Variants in ELP4 observed in about 807,000 individuals in gnomAD.
ELP4 encodes the protein elongator acetyltransferase complex subunit 4.
Under a neutral mutation model 48.9 loss-of-function variants are expected in ELP4, and 51 were observed. The observed-to-expected ratio is 1.04, with a 90% CI of 0.83 to 1.32. The LOEUF (loss-of-function observed/expected upper bound fraction) is 1.32, where lower values mean the gene tolerates loss of function less well. Ranked by LOEUF, ELP4 falls within the 40% of genes most tolerant of loss-of-function variation. The pLI, the probability that ELP4 is intolerant of heterozygous loss-of-function variation, is 0.00. For missense variants in ELP4, 519 were observed against 514.6 expected (o/e 1.01, Z -0.08); for synonymous variants, 210 against 189.2 (o/e 1.11, Z -0.90).
intron 3 of ELP4, among the ~76,000 whole-genome samples, chr11:31,563,198 A>G (rs1957049685): frequency 6.6e-6 from 1 of 152,204 alleles, no homozygotes; most frequent in Non-Finnish European, 1.5e-5. Context: ...ATGTTGGTAC[A>G]TAATAGCTCA....
intron 9 of ELP4, among the ~76,000 whole-genome samples, chr11:31,690,968 A>C (rs1023887989): frequency 1.3e-5 from 2 of 152,064 alleles, no homozygotes; most frequent in Admixed American, 1.3e-4. Flanking sequence ...CAAAAGCCTT[A>C]ACATTAAAGA....
chr11:31,716,281 G>A (rs143742553), intron 9 of ELP4, among the ~76,000 whole-genome samples: 92 of 152,238 alleles, frequency 6.0e-4, no homozygotes, highest in Middle Eastern at 3.4e-3. Flanking sequence ...CCAAAGTGCC[G>A]GGATTGCAGG....
intron 7 of ELP4, among the ~76,000 whole-genome samples, chr11:31,636,526 G>A (rs1944980424): frequency 6.6e-6 from 1 of 151,914 alleles, no homozygotes; most frequent in East Asian, 1.9e-4. Flanking sequence ...CTTTTGGCAT[G>A]CTTCCCATGT....
At chr11:31,731,478 G>A (rs970792548) in intron 9 of ELP4, among the ~76,000 whole-genome samples, 2 of 151,782 alleles carry the variant, frequency 1.3e-5, no homozygotes, top group Non-Finnish European at 1.5e-5. Flanking sequence ...CAAACTTGAA[G>A]ACAGATCATT....
chr11:31,694,496 G>T (rs1166088165), intron 9 of ELP4, among the ~76,000 whole-genome samples: 1 of 152,014 alleles, frequency 6.6e-6, no homozygotes, highest in Non-Finnish European at 1.5e-5. Context: ...TATTTCTGAG[G>T]GCTCTGTTCT....
chr11:31,538,283 T>G (rs1015777703), intron 2 of ELP4, among the ~76,000 whole-genome samples: 1 of 148,584 alleles, frequency 6.7e-6, no homozygotes, highest in South Asian at 2.1e-4. Flanking sequence ...TGCAATATAA[T>G]TATAGAATTA....
intron 9 of ELP4, among the ~76,000 whole-genome samples, chr11:31,773,551 G>A (rs1480102484): frequency 6.6e-6 from 1 of 152,124 alleles, no homozygotes; most frequent in East Asian, 1.9e-4. Flanking sequence ...CCCCCATGAA[G>A]CAAGCAACTG....
chr11:31,515,049 A>ATATG (rs960503576), intron 1 of ELP4, among the ~76,000 whole-genome samples: 3 of 149,302 alleles, frequency 2.0e-5, no homozygotes, highest in African/African-American at 7.4e-5. Flanking sequence ...ATATATATAT[A>ATATG]TATATATGTA....
chr11:31,548,145 G>T (rs1481868815), intron 3 of ELP4, among the ~76,000 whole-genome samples: 1 of 152,152 alleles, frequency 6.6e-6, no homozygotes, highest in South Asian at 2.1e-4. Flanking sequence ...AGGGCAATTA[G>T]GCAGGAGAAG....
chr11:31,561,850 T>G (rs976077688), intron 3 of ELP4, among the ~76,000 whole-genome samples: 1 of 152,206 alleles, frequency 6.6e-6, no homozygotes, highest in Non-Finnish European at 1.5e-5. Flanking sequence ...ATTGATAAAA[T>G]TAATACATAC....
chr11:31,685,017 C>G (rs1459669659), intron 9 of ELP4, among the ~76,000 whole-genome samples: 1 of 152,084 alleles, frequency 6.6e-6, no homozygotes, highest in Admixed American at 6.6e-5. Flanking sequence ...ATACTGAAAA[C>G]CTTTTACAAA....
At chr11:31,531,312 A>G (rs1378313392) in intron 2 of ELP4, among the ~76,000 whole-genome samples, 1 of 152,232 alleles carries the variant, frequency 6.6e-6, no homozygotes, top group East Asian at 1.9e-4. Flanking sequence ...TTCTACAAAT[A>G]TTAAGTATAT....
At chr11:31,642,542 C>T (rs1321638513) in intron 7 of ELP4, among the ~76,000 whole-genome samples, 2 of 151,488 alleles carry the variant, frequency 1.3e-5, no homozygotes, top group Non-Finnish European at 1.5e-5. Flanking sequence ...GGATAAAGAA[C>T]CAAAATATGT....
chr11:31,667,766 C>G (rs1365372847), intron 9 of ELP4, among the ~76,000 whole-genome samples: 1 of 152,092 alleles, frequency 6.6e-6, no homozygotes, highest in Non-Finnish European at 1.5e-5. Context: ...ACTTAGTAAA[C>G]TATATATATT....
chr11:31,668,753 TG>T (rs957339698), intron 9 of ELP4, among the ~76,000 whole-genome samples: 1 of 136,532 alleles, frequency 7.3e-6, no homozygotes, highest in African/African-American at 2.5e-5. Flanking sequence ...ATAAGAAATC[TG>T]TCAGATTTTT....
intron 9 of ELP4, among the ~76,000 whole-genome samples, chr11:31,719,270 AAAAG>A (rs1429914347): frequency 5.0e-4 from 76 of 152,186 alleles, no homozygotes; most frequent in African/African-American, 1.8e-3. Context: ...AGAAAAAAAA[AAAAG>A]AAAGAAAAGA....
chr11:31,591,012 C>A (rs1957559910), intron 3 of ELP4, among the ~76,000 whole-genome samples: 1 of 151,822 alleles, frequency 6.6e-6, no homozygotes, highest in Non-Finnish European at 1.5e-5. Context: ...TTCCAGTGTC[C>A]AAGGAGAAAA....
chr11:31,545,685 G>A (rs944815292), intron 3 of ELP4, among the ~76,000 whole-genome samples: 11 of 152,136 alleles, frequency 7.2e-5, no homozygotes, highest in African/African-American at 2.7e-4. Flanking sequence ...GTAATTGTCA[G>A]ATTCATCAAA....
intron 9 of ELP4, among the ~76,000 whole-genome samples, chr11:31,781,393 C>T (rs977422556): frequency 6.6e-6 from 1 of 151,534 alleles, no homozygotes; most frequent in Non-Finnish European, 1.5e-5. Context: ...TTCTTTCCGT[C>T]CTGCTTCCTC....
Sources: allele counts gnomAD v4.1 joint callset (sites outside exome capture counted in the v4.1 genomes callset), GRCh38; gene constraint gnomAD v4.1.1; transcripts MANE v1.5; gene names NCBI Gene and HGNC (gene_info 2026-07-23, HGNC 2026-07-21).